CLDND1: variants seen among roughly 807,000 people sequenced by gnomAD.
The protein encoded by CLDND1 is claudin domain-containing protein 1.
A neutral mutation model predicts 26.3 loss-of-function variants in CLDND1; 13 were observed. The observed-to-expected ratio is 0.49, with a 90% CI of 0.32 to 0.78. The LOEUF (loss-of-function observed/expected upper bound fraction) is 0.78, where lower values mean the gene tolerates loss of function less well. Ranked by LOEUF, CLDND1 falls within the 30% of genes least tolerant of loss-of-function variation. CLDND1 has a pLI of 0.03. For missense variants in CLDND1, 289 were observed against 312.8 expected (o/e 0.92, Z 0.57); for synonymous variants, 107 against 107.0 (o/e 1.00, Z 0.00).
chr3:98,522,762 C>G, intron 1 of CLDND1, 87 bp downstream of exon 1: 1 of 1,609,630 alleles, frequency 6.2e-7, no homozygotes, highest in Non-Finnish European at 8.5e-7. Flanking sequence ...CCCGACCACG[C>G]CCGGGAAGGG....
chr3:98,515,993 C>T lies in CLDND1; in HGVS notation c.*666G>A. The T allele has an allele frequency of 1.7e-6, 2 of 1,179,418 alleles. No individual in the cohort carries two copies. Among genetic ancestry groups the T allele is most frequent in the East Asian group, 5.9e-5 (1 of 16,970 alleles). The allele number at this position is 1,179,418 out of a possible 1,614,324, so 73.1% of individuals were successfully genotyped here. On this transcript the variant is annotated 3_prime_UTR_variant, in exon 5 of 5. Transcript: ENST00000341181. ...ATCTTACGGAGAGTTAAAAATAATA[C>T]TAATCCTCGCCCGGCTGAACTGGAA...
Position 98,516,607 on chromosome 3 carries a change from G to A in CLDND1, c.*52C>T. ...CAATTGAGAGGTGGGGAAAATATCA[G>A]TATTATTTTAAAAAAATAAAAATGG... On this transcript the variant is annotated 3_prime_UTR_variant, in exon 5 of 5. Transcript: ENST00000341181. 6.4e-7 allele frequency: 1 copy of A among 1,550,690 alleles called. No homozygotes were observed. The highest frequency in any genetic ancestry group is 8.7e-7 in the Non-Finnish European group (1 of 1,147,584).
At chr3:98,518,127 T>C (rs1313319609) in intron 3 of CLDND1, among the ~76,000 whole-genome samples, 1 of 152,222 alleles carries the variant, frequency 6.6e-6, no homozygotes, top group Non-Finnish European at 1.5e-5. Context: ...AATGCATTCA[T>C]ATCAATCTTG....
intron 1 of CLDND1, 195 bp downstream of exon 1, chr3:98,522,654 C>G (rs1287988135): frequency 7.0e-7 from 1 of 1,418,516 alleles, no homozygotes; most frequent in African/African-American, 1.5e-5. Context: ...GGCGGGGCAG[C>G]CGTGCTCGGC....
chr3:98,522,573 T>C, intron 1 of CLDND1: 8 of 1,363,518 alleles, frequency 5.9e-6, no homozygotes, highest in Non-Finnish European at 7.5e-6. Flanking sequence ...GAACGGCGGT[T>C]CGTCCAAGCC....
intron 3 of CLDND1, chr3:98,518,639 G>A (rs1197141575): frequency 9.7e-6 from 4 of 414,444 alleles, no homozygotes; most frequent in Admixed American, 3.9e-5. Context: ...AACATCTTTT[G>A]AAGGTCTAGA....
Position 98,515,565 on chromosome 3 carries a change from G to T in CLDND1, c.*1094C>A. 1.1e-6 allele frequency: 1 copy of T among 945,328 alleles called. No individual in the cohort carries two copies. The allele number at this position is 945,328 out of a possible 1,614,324, so 58.6% of individuals were successfully genotyped here. On this transcript the variant is annotated 3_prime_UTR_variant, in exon 5 of 5. Transcript: ENST00000341181. ...TTATGAAGTTACATTTTTTTAATCTGTCAATTGCTACAGTAGTGGAATAAA... is the reference window on the plus strand; with the variant it reads ...TTATGAAGTTACATTTTTTTAATCTTTCAATTGCTACAGTAGTGGAATAAA...
At chr3:98,519,145 T>C (rs1236099238) in intron 2 of CLDND1, 150 bp from the exon 3 acceptor site, 7 of 573,052 alleles carry the variant, frequency 1.2e-5, no homozygotes, top group South Asian at 2.2e-5. Context: ...GTTTCATAGA[T>C]GTCCAATGGA....
At chr3:98,516,959 G>A (rs760574966) in intron 4 of CLDND1, 80 bp from the exon 5 acceptor site, 114 of 1,607,514 alleles carry the variant, frequency 7.1e-5, no homozygotes, top group Non-Finnish European at 9.4e-5. Context: ...AATGTGACAG[G>A]GCAGTTAATA....
Position 98,521,131 on chromosome 3 carries a change from A to T in CLDND1, c.292+2T>A. ...AGACAGAAGTTAAAATAAGAGAAAT[A>T]CCTGTCCTTTCTGGTGGGCTATACC... is the stretch of plus-strand genomic sequence containing the variant. On this transcript the variant is annotated splice_donor_variant, in intron 2 of 4. Transcript: ENST00000341181. LOFTEE classifies it high-confidence loss of function. The T allele has an allele frequency of 6.2e-7, 1 of 1,606,800 alleles. No individual in the cohort carries two copies. Among genetic ancestry groups the T allele is most frequent in the Non-Finnish European group, 8.5e-7 (1 of 1,174,306 alleles).
At position 98,521,019 on chromosome 3, in the gene CLDND1, C is replaced by A. The variant is rs1706384913; in HGVS notation, c.292+114G>T. The A allele has an allele frequency of 1.5e-5, 13 of 866,080 alleles. No homozygotes were observed. In the Admixed American group the frequency reaches 2.3e-4, roughly 15 times the overall value. 53.6% of individuals were successfully genotyped at this position (866,080 alleles called of 1,614,324 possible). Reference sequence around the variant, plus strand: ...GAAAGAGAAGATACACGATTTATTTCTTTAAGGAGAGAGAGAACCAACAAA... The same window carrying A: ...GAAAGAGAAGATACACGATTTATTTATTTAAGGAGAGAGAGAACCAACAAA... On this transcript the variant is annotated intron_variant, in intron 2 of 4. Coordinates refer to ENST00000341181, the MANE Select transcript of CLDND1 (RefSeq NM_001040181.2).
chr3:98,515,942 T>C lies in CLDND1; in HGVS notation c.*717A>G. 1 of 1,211,008 alleles carries C rather than the reference T, an allele frequency of 8.3e-7. No homozygotes were observed. Among genetic ancestry groups the C allele is most frequent in the Non-Finnish European group, 1.1e-6 (1 of 948,440 alleles). 75.0% of individuals were successfully genotyped at this position (1,211,008 alleles called of 1,614,324 possible). A position where few individuals can be genotyped will look rare whatever the true frequency, so the allele number is the denominator to read the frequency against. On this transcript the variant is annotated 3_prime_UTR_variant, in exon 5 of 5. Transcript: ENST00000341181. ...GTATGTGAAGAGGAAAGAAAAAAAA[T>C]CCAAAACAATTTGGTGGTACTGAAA... is the stretch of plus-strand genomic sequence containing the variant.
At chr3:98,522,813 G>C in intron 1 of CLDND1, 36 bp downstream of exon 1, 1 of 1,613,580 alleles carries the variant, frequency 6.2e-7, no homozygotes, top group South Asian at 1.1e-5. Flanking sequence ...ACCGCGACGC[G>C]ACCCCTGCCC....
intron 3 of CLDND1, 56 bp downstream of exon 3, chr3:98,518,829 G>C: frequency 2.9e-6 from 3 of 1,040,382 alleles, no homozygotes; most frequent in Non-Finnish European, 4.5e-6. Context: ...TCCAAAAAGA[G>C]ACAAATAAAA....
intron 1 of CLDND1, chr3:98,522,050 T>C (rs1466172751): frequency 1.7e-5 from 4 of 230,284 alleles, no homozygotes; most frequent in Admixed American, 1.0e-4. Context: ...TAATGCTAGA[T>C]AGCAATCTCT....
Position 98,515,570 on chromosome 3 carries a change from T to C in CLDND1, c.*1089A>G, listed in dbSNP as rs77629120. 120 of 961,412 alleles carry C rather than the reference T, an allele frequency of 1.2e-4. No individual in the cohort carries two copies. The East Asian group carries it at 8.6e-3, about 69-fold the overall frequency. 59.6% of individuals were successfully genotyped at this position (961,412 alleles called of 1,614,324 possible). The stretch of plus-strand genomic sequence containing the variant: ...AAGTTACATTTTTTTAATCTGTCAA[T>C]TGCTACAGTAGTGGAATAAATAAAT... On this transcript the variant is annotated 3_prime_UTR_variant, in exon 5 of 5. Transcript: ENST00000341181.
chr3:98,521,982 C>A, intron 1 of CLDND1: 1 of 410,046 alleles, frequency 2.4e-6, no homozygotes, highest in Non-Finnish European at 4.4e-6. Context: ...TGTTTGTTAA[C>A]CCCGAGGGAA....
At chr3:98,521,609 AC>A in intron 1 of CLDND1, 167 bp from the exon 2 acceptor site, 1 of 1,570,516 alleles carries the variant, frequency 6.4e-7, no homozygotes, top group Non-Finnish European at 8.8e-7. Flanking sequence ...TAAGCTTAAA[AC>A]AAAACTCATT....
intron 2 of CLDND1, chr3:98,520,772 T>C (rs1235929064): frequency 1.1e-5 from 2 of 189,800 alleles, no homozygotes; most frequent in African/African-American, 2.3e-5. Context: ...TTTTCGATGG[T>C]AGTCCTTTTA....
Sources: allele counts gnomAD v4.1 joint callset (sites outside exome capture counted in the v4.1 genomes callset), GRCh38; gene constraint gnomAD v4.1.1; transcripts MANE v1.5; gene names NCBI Gene and HGNC (gene_info 2026-07-23, HGNC 2026-07-21).